Variants in NALCN observed in about 807,000 individuals in gnomAD.
NALCN encodes sodium leak channel NALCN.
Under a neutral mutation model 225.3 loss-of-function variants are expected in NALCN, and 111 were observed. The ratio of observed to expected loss-of-function variants is 0.49; its 90% CI spans 0.42 to 0.58. The LOEUF (loss-of-function observed/expected upper bound fraction) is 0.58. Among genes scored for constraint, NALCN ranks in the 20% least tolerant of loss-of-function variants. NALCN has a pLI of 0.00. For missense variants in NALCN, 1,378 were observed against 2,202.4 expected, an observed-to-expected ratio of 0.63 and a Z score of 7.49; for synonymous variants, 764 against 769.0, an observed-to-expected ratio of 0.99 and a Z score of 0.11.
intron 6 of NALCN, among the ~76,000 whole-genome samples, chr13:101,358,629 C>A (rs184787063): frequency 1.3e-5 from 2 of 152,252 alleles, no homozygotes; most frequent in East Asian, 3.9e-4. Flanking sequence ...CTGTGGAAGA[C>A]AATGTGATGA....
chr13:101,238,206 T>C (rs1182426556), intron 11 of NALCN, among the ~76,000 whole-genome samples: 2 of 151,904 alleles, frequency 1.3e-5, no homozygotes, highest in Non-Finnish European at 2.9e-5. Flanking sequence ...TTTAAAACCA[T>C]TATTATTTAA....
chr13:101,235,464 C>T (rs982398877), intron 12 of NALCN, among the ~76,000 whole-genome samples: 1 of 151,930 alleles, frequency 6.6e-6, no homozygotes, highest in African/African-American at 2.4e-5. Context: ...AAAGGATATT[C>T]TCTATAATTA....
intron 10 of NALCN, among the ~76,000 whole-genome samples, chr13:101,279,010 A>G (rs544461274): frequency 3.3e-5 from 5 of 152,218 alleles, no homozygotes; most frequent in African/African-American, 1.2e-4. Context: ...GTTAATAAAC[A>G]TAATTGATCA....
intron 13 of NALCN, among the ~76,000 whole-genome samples, chr13:101,195,890 A>T (rs1191425654): frequency 6.6e-6 from 1 of 152,166 alleles, no homozygotes; most frequent in Non-Finnish European, 1.5e-5. Context: ...TCATGTATAC[A>T]TTTATATCCT....
intron 13 of NALCN, among the ~76,000 whole-genome samples, chr13:101,227,885 A>C (rs2041206348): frequency 1.3e-5 from 2 of 152,230 alleles, no homozygotes. Flanking sequence ...CATTTAGTAC[A>C]TGCTGTTCCT....
chr13:101,098,548 G>C (rs2034637469), intron 27 of NALCN, among the ~76,000 whole-genome samples: 2 of 152,166 alleles, frequency 1.3e-5, no homozygotes, highest in South Asian at 4.1e-4. Context: ...ACAAACAAAG[G>C]AGCAGAGGGA....
intron 1 of NALCN, among the ~76,000 whole-genome samples, chr13:101,406,151 C>CAAAA (rs11400384): frequency 5.5e-4 from 63 of 114,550 alleles, no homozygotes; most frequent in Non-Finnish European, 8.2e-4. Context: ...CCCATCTCTA[C>CAAAA]AAAAAAAAAA....
At chr13:101,396,628 A>G (rs2139494709) in intron 2 of NALCN, among the ~76,000 whole-genome samples, 1 of 152,192 alleles carries the variant, frequency 6.6e-6, no homozygotes, top group African/African-American at 2.4e-5. Context: ...CTGATGATTC[A>G]GTTTACTTTA....
In NALCN at chr13:101,200,975, C is replaced by G. The variant is rs925954254; in HGVS notation, c.1627-8921G>C. The stretch of plus-strand genomic sequence containing the variant: ...AAGAAAAAGTAGAATGGTTAAACAT[C>G]TTGGGTTTTGGTCAAAGTAGAGTAA... On this transcript the variant is annotated intron_variant, in intron 13 of 43. Transcript: ENST00000251127. Among the ~76,000 whole-genome samples the G allele has an allele frequency of 3.9e-5, 6 of 152,210 alleles. No individual in the cohort carries two copies. The South Asian group carries it at 1.2e-3, about 32-fold the overall frequency.
chr13:101,411,747 C>A (rs1224499124), intron 1 of NALCN, among the ~76,000 whole-genome samples: 1 of 152,118 alleles, frequency 6.6e-6, no homozygotes, highest in East Asian at 1.9e-4. Context: ...ACTTTTATGA[C>A]TTTACGGTCT....
At chr13:101,377,147 G>T (rs760677484) in intron 4 of NALCN, 91 bp from the exon 5 acceptor site, 3 of 1,488,654 alleles carry the variant, frequency 2.0e-6, no homozygotes, top group South Asian at 1.2e-5. Flanking sequence ...GCATAAGTAG[G>T]TGCACCTCTA....
At chr13:101,070,063 G>GTTTTTTTTTTTTTTTTTTTTTTTTTTT (rs71121162) in intron 37 of NALCN, among the ~76,000 whole-genome samples, 2 of 98,314 alleles carry the variant, frequency 2.0e-5, no homozygotes, top group African/African-American at 4.2e-5. Context: ...AATCATGAAT[G>GTTTTTTTTTTTTTTTTTTTTTTTTTTT]TTTTTTTTTT....
intron 7 of NALCN, among the ~76,000 whole-genome samples, chr13:101,298,211 C>A (rs2043826201): frequency 6.6e-6 from 1 of 152,200 alleles, no homozygotes; most frequent in African/African-American, 2.4e-5. Context: ...GATGTTTTCA[C>A]ATGTGCATGA....
chr13:101,362,792 A>G (rs1313403127), intron 6 of NALCN, among the ~76,000 whole-genome samples: 2 of 152,056 alleles, frequency 1.3e-5, no homozygotes, highest in East Asian at 3.9e-4. Context: ...GAAGGAAGAA[A>G]TAAAATTATC....
intron 13 of NALCN, among the ~76,000 whole-genome samples, chr13:101,210,820 G>A (rs2040495928): frequency 1.3e-5 from 2 of 152,148 alleles, no homozygotes; most frequent in African/African-American, 4.8e-5. Flanking sequence ...TAACTACTTT[G>A]CACCTGTTAC....
chr13:101,179,344 C>A (rs2039095813), intron 14 of NALCN, among the ~76,000 whole-genome samples: 1 of 152,012 alleles, frequency 6.6e-6, no homozygotes, highest in Admixed American at 6.6e-5. Flanking sequence ...CCCGAGCAAC[C>A]CTGACATGTA....
chr13:101,083,976 GAGGAGTTCCCAAA>G (rs2033802209), intron 30 of NALCN, among the ~76,000 whole-genome samples, 172 bp from the exon 31 acceptor site: 1 of 152,148 alleles, frequency 6.6e-6, no homozygotes, highest in East Asian at 1.9e-4. Flanking sequence ...TTGGTCTCGG[GAGGAGTTCCCAAA>G]ATGATGACCA....
chr13:101,295,868 C>T (rs2043733774), intron 7 of NALCN, among the ~76,000 whole-genome samples: 1 of 152,218 alleles, frequency 6.6e-6, no homozygotes, highest in South Asian at 2.1e-4. Flanking sequence ...AAAGAAATCA[C>T]TTTTCAAAAA....
intron 14 of NALCN, among the ~76,000 whole-genome samples, chr13:101,190,029 A>T (rs1246650071): frequency 6.6e-6 from 1 of 152,160 alleles, no homozygotes; most frequent in African/African-American, 2.4e-5. Context: ...ATTTTATTTT[A>T]TTATATTAGT....
Sources: allele counts gnomAD v4.1 joint callset (sites outside exome capture counted in the v4.1 genomes callset), GRCh38; gene constraint gnomAD v4.1.1; transcripts MANE v1.5; gene names NCBI Gene and HGNC (gene_info 2026-07-23, HGNC 2026-07-21).